The following ATP11B variants were observed in gnomAD, a reference collection of about 807,000 sequenced individuals.
ATP11B encodes ATPase phospholipid transporting 11B (putative).
ATP11B carries 81 observed loss-of-function variants against 157.8 expected under a neutral mutation model. The observed-to-expected ratio is 0.51, with a 90% confidence interval of 0.43 to 0.62. The LOEUF (loss-of-function observed/expected upper bound fraction) is 0.62, where lower values mean the gene tolerates loss of function less well. Among genes scored for constraint, ATP11B ranks in the 20% least tolerant of loss-of-function variants. The pLI, the probability that ATP11B is intolerant of heterozygous loss-of-function variation, is 0.00. For synonymous variants in ATP11B, 451 were observed against 469.4 expected, an observed-to-expected ratio of 0.96 and a Z score of 0.51; for missense variants, 1,165 against 1,402.2, an observed-to-expected ratio of 0.83 and a Z score of 2.70.
chr3:182,826,625 G>A (rs1238669575), intron 2 of ATP11B, among the ~76,000 whole-genome samples: 1 of 152,096 alleles, frequency 6.6e-6, no homozygotes, highest in Non-Finnish European at 1.5e-5. Flanking sequence ...CTCAGATTCT[G>A]GAACCACTGC....
chr3:182,890,715 G>A (rs1723117079), intron 25 of ATP11B, among the ~76,000 whole-genome samples: 1 of 152,122 alleles, frequency 6.6e-6, no homozygotes, highest in Non-Finnish European at 1.5e-5. Flanking sequence ...CTTTTGTTGA[G>A]TTTGTTTCTC....
At chr3:182,797,658 A>G (rs1302939511) in intron 1 of ATP11B, among the ~76,000 whole-genome samples, 2 of 152,164 alleles carry the variant, frequency 1.3e-5, no homozygotes, top group African/African-American at 4.8e-5. Context: ...CAGTAAGCCA[A>G]GATCATGCCA....
rs528090527 is a variant in ATP11B, at chr3:182,826,694, A to G, written c.145-1426A>G. Among the ~76,000 whole-genome samples, 35 of 152,314 alleles carry G rather than the reference A, an allele frequency of 2.3e-4. 1 individual carries two copies. In the South Asian group the frequency reaches 7.0e-3, roughly 31 times the overall value. ...TATTCCAGATTCAAACTGAAAATAT[A>G]ATTTCACCAAAGAAGGAAAGTTTGT... On this transcript the variant is annotated intron_variant, in intron 2 of 29. Transcript: ENST00000323116.
chr3:182,870,744 C>G (rs575491199), intron 17 of ATP11B, among the ~76,000 whole-genome samples: 169 of 151,912 alleles, frequency 1.1e-3, no homozygotes, highest in African/African-American at 3.8e-3. Flanking sequence ...GAGGCCGAGG[C>G]TAGCAGATCA....
rs761878162 is a variant in ATP11B, at chr3:182,896,677, A to G, written c.2983-23A>G. 7 of 1,583,140 alleles carry G rather than the reference A, an allele frequency of 4.4e-6. 1 individual carries two copies. The highest frequency in any genetic ancestry group is 3.3e-5 in the South Asian group (3 of 90,370). On this transcript the variant is annotated intron_variant, in intron 25 of 29. Coordinates refer to ENST00000323116, the MANE Select transcript of ATP11B (RefSeq NM_014616.3). The stretch of plus-strand genomic sequence containing the variant: ...TTAACATTATGTTAACACGTAATGT[A>G]ATAGTGTATTCTTTCTGTTTAGATG...
chr3:182,910,467 A>C (rs1387898904), intron 28 of ATP11B, among the ~76,000 whole-genome samples: 2 of 152,132 alleles, frequency 1.3e-5, no homozygotes, highest in South Asian at 2.1e-4. Flanking sequence ...GCTACCCAGG[A>C]GGCTGAGGTG....
At chr3:182,799,941 GTGT>G (rs1393449119) in intron 1 of ATP11B, among the ~76,000 whole-genome samples, 1 of 151,978 alleles carries the variant, frequency 6.6e-6, no homozygotes, top group Non-Finnish European at 1.5e-5. Context: ...GTGAGACCCT[GTGT>G]CTACAAAAAT....
At chr3:182,810,553 G>A (rs1716600843) in intron 1 of ATP11B, among the ~76,000 whole-genome samples, 1 of 151,396 alleles carries the variant, frequency 6.6e-6, no homozygotes, top group African/African-American at 2.4e-5. Context: ...TTAGACAATT[G>A]TGCATCTTCC....
In ATP11B at chr3:182,867,385, T is replaced by C. The variant is rs1721321453; in HGVS notation, c.1629T>C (p.Ile543=). 6.2e-7 allele frequency: 1 copy of C among 1,606,644 alleles called. No homozygotes were observed. Among genetic ancestry groups the C allele is most frequent in the Non-Finnish European group, 8.5e-7 (1 of 1,173,430 alleles). ...TCCTTTTGATGTCTAGGATTGGTAT[T>C]GTGTTTATTGGCAATTCTGAAGAAA... ...ALVEAAARIG[I]VFIGNSEETM... is the part of the protein sequence containing the mutation. The change falls in exon 15 of 30, where the codon ATT becomes ATC. Residue 543 remains isoleucine, a synonymous_variant. Coordinates refer to ENST00000323116, the MANE Select transcript of ATP11B (RefSeq NM_014616.3).
At chr3:182,894,984 A>C (rs934110204) in intron 25 of ATP11B, among the ~76,000 whole-genome samples, 2 of 151,634 alleles carry the variant, frequency 1.3e-5, no homozygotes, top group East Asian at 1.9e-4. Flanking sequence ...AAATTAGCTA[A>C]GTGTGGTGGC....
intron 28 of ATP11B, among the ~76,000 whole-genome samples, chr3:182,904,862 C>T (rs1349783488): frequency 6.8e-6 from 1 of 147,242 alleles, no homozygotes; most frequent in African/African-American, 2.5e-5. Context: ...TCACTCCAGC[C>T]TGGACAGCAG....
intron 28 of ATP11B, among the ~76,000 whole-genome samples, chr3:182,900,027 T>A (rs761400390): frequency 3.9e-5 from 6 of 152,250 alleles, no homozygotes; most frequent in Non-Finnish European, 8.8e-5. Flanking sequence ...AGTTGTATAT[T>A]CATCCTACAA....
chr3:182,793,640 C>CGGCGGT lies in ATP11B; in HGVS notation c.-119_-114dup. 9.5e-6 allele frequency: 5 copies of CGGCGGT among 526,210 alleles called. No individual in the cohort carries two copies. The South Asian group carries it at 1.7e-4, about 18-fold the overall frequency. The allele number at this position is 526,210 out of a possible 1,614,324, so 32.6% of individuals were successfully genotyped here. A position where few individuals can be genotyped will look rare whatever the true frequency, so the allele number is the denominator to read the frequency against. ...GCGGGGAGTGAGGCAGTGGCGGCGG[C>CGGCGGT]GGCGGTAAGCGGAACTTCGGCCCGA... On this transcript the variant is annotated 5_prime_UTR_variant, in exon 1 of 30. Coordinates refer to ENST00000323116, the MANE Select transcript of ATP11B (RefSeq NM_014616.3).
chr3:182,913,966 G>A lies in ATP11B; in HGVS notation c.3424G>A (p.Gly1142Arg). 6.2e-7 allele frequency: 1 copy of A among 1,614,058 alleles called. No homozygotes were observed. The highest frequency in any genetic ancestry group is 1.1e-5 in the South Asian group (1 of 91,082). Reference sequence around the variant, plus strand: ...TGGAAGAATGCTGGAACGAGTTATAGGAAGATGTAGTCCAACCCACATCAG... The same window carrying A: ...TGGAAGAATGCTGGAACGAGTTATAAGAAGATGTAGTCCAACCCACATCAG... ...SVGRMLERVI[G>R]RCSPTHISRS... is the part of the protein sequence containing the mutation. Residue 1142 changes from glycine to arginine, a missense_variant, in exon 29 of 30, where the codon GGA becomes AGA. Physicochemically the swap from Gly to Arg is moderately radical, Grantham distance 125 (BLOSUM62 -2). Around this residue, in one of 4 missense-constraint regions of ATP11B, gnomAD observed 303 missense variants for 296.3 expected, o/e 1.02. Transcript: ENST00000323116.
At chr3:182,872,859 C>T (rs977715601) in intron 18 of ATP11B, among the ~76,000 whole-genome samples, 7 of 152,194 alleles carry the variant, frequency 4.6e-5, no homozygotes, top group African/African-American at 7.2e-5. Flanking sequence ...TGTCTCCTTC[C>T]GCTTTATGTT....
rs1717218180 is a variant in ATP11B, at chr3:182,819,885, A to C, written c.28-375A>C. ...GGGAAGGAATGCAGTAGGGATAGAA[A>C]ATTTGTCCTCAAATACTTCTATAGG... On this transcript the variant is annotated intron_variant, in intron 1 of 29. Transcript: ENST00000323116. Among the ~76,000 whole-genome samples the C allele has an allele frequency of 2.0e-5, 3 of 152,192 alleles. No individual in the cohort carries two copies. The South Asian group carries it at 6.2e-4, about 32-fold the overall frequency.
At chr3:182,808,628 G>A (rs1348967474) in intron 1 of ATP11B, among the ~76,000 whole-genome samples, 4 of 152,132 alleles carry the variant, frequency 2.6e-5, no homozygotes, top group Non-Finnish European at 5.9e-5. Context: ...AAAGCTCTCA[G>A]TGGTCTATGG....
chr3:182,828,003 A>T (rs1717842027), intron 2 of ATP11B, 117 bp from the exon 3 acceptor site: 1 of 403,928 alleles, frequency 2.5e-6, no homozygotes, highest in Non-Finnish European at 4.4e-6. Flanking sequence ...TAGCATATAG[A>T]CTTACAGAAT....
chr3:182,838,787 A>G (rs570879979), intron 7 of ATP11B, among the ~76,000 whole-genome samples: 3 of 144,226 alleles, frequency 2.1e-5, no homozygotes, highest in Non-Finnish European at 4.5e-5. Context: ...GCTATATATT[A>G]TATATATATA....
Sources: gnomAD v4.1 joint callset for allele counts (sites outside exome capture counted in the v4.1 genomes callset) on GRCh38, gnomAD v4.1.1 for gene constraint, gnomAD v4.1.1 regional missense constraint, MANE v1.5 for transcripts, NCBI Gene and HGNC (gene_info 2026-07-23, HGNC 2026-07-21) for gene names.